Variants in LRRC71 observed in about 807,000 individuals in gnomAD.
The protein encoded by LRRC71 is leucine-rich repeat-containing protein 71.
Under a neutral mutation model 66.6 loss-of-function variants are expected in LRRC71, and 54 were observed. The ratio of observed to expected loss-of-function variants is 0.81; its 90% CI spans 0.65 to 1.02. The LOEUF (loss-of-function observed/expected upper bound fraction) is 1.02, where lower values mean the gene tolerates loss of function less well. LRRC71 is among the 50% of genes least tolerant of loss of function. LRRC71 has a pLI of 0.00. For missense variants in LRRC71, 724 were observed against 718.0 expected (o/e 1.01, Z -0.10); for synonymous variants, 323 against 303.9 (o/e 1.06, Z -0.65).
chr1:156,924,778 T>A, intron 4 of LRRC71, 60 bp downstream of exon 4: 1 of 1,540,154 alleles, frequency 6.5e-7, no homozygotes, highest in Non-Finnish European at 8.8e-7. Flanking sequence ...TCCTGGTGGC[T>A]TGGGAGAGAG....
At chr1:156,932,072 G>A (rs772760463) in intron 13 of LRRC71, 45 bp downstream of exon 13, 40 of 1,490,608 alleles carry the variant, frequency 2.7e-5, no homozygotes, top group South Asian at 1.8e-4. Context: ...GAGGCTACCC[G>A]GGCCCTGTCC....
At chr1:156,940,638 A>G in the LRRC71 span, among the ~76,000 whole-genome samples, 2 of 152,188 alleles carry the variant, frequency 1.3e-5, no homozygotes, top group African/African-American at 4.8e-5. Context: ...CTTACATTCT[A>G]GGGGAGGGAC....
At position 156,924,898 on chromosome 1, in the gene LRRC71, C is replaced by T. The variant is rs375107202; in HGVS notation, c.516-40C>T. On this transcript the variant is annotated intron_variant, in intron 4 of 14. Transcript: ENST00000337428. ...GGGAGGGTTTTCCAGTAGGAGGGGG[C>T]GCTCTAGCTCTGTGTTTCTGCACTT... 179 of 1,547,854 alleles carry T rather than the reference C, an allele frequency of 1.2e-4. 2 individuals carry two copies. In the African/African-American group the frequency reaches 1.8e-3, roughly 16 times the overall value.
At chr1:156,935,039 G>A (rs1654822373), downstream of LRRC71, 1 of 151,630 alleles carries the variant, frequency 6.6e-6, no homozygotes, top group Non-Finnish European at 1.5e-5. Flanking sequence ...AGTTGGGTGA[G>A]GACGTGGTGA....
At chr1:156,939,934 C>T in the LRRC71 span, 3 of 1,597,306 alleles carry the variant, frequency 1.9e-6, no homozygotes, top group Non-Finnish European at 2.5e-6. Context: ...AGGGTGATGT[C>T]TTCCCAGCAT....
Position 156,923,967 on chromosome 1 carries a change from G to A in LRRC71, c.179G>A (p.Gly60Glu). The change falls in exon 2 of 15, where the codon GGG (glycine) becomes GAG (glutamate). Residue 60 changes from glycine to glutamate, a missense_variant. Gly to Glu is a moderately conservative substitution (Grantham distance 98). Transcript: ENST00000337428. ...PKSPEEYQCSGVLETDFAELC... is the reference protein window; with the variant it reads ...PKSPEEYQCSEVLETDFAELC... Reference sequence around the variant, plus strand: ...CCCGCAGAGGAGTACCAGTGCTCCGGGGTCCTCGAGACCGACTTCGCCGAG... The same window carrying A: ...CCCGCAGAGGAGTACCAGTGCTCCGAGGTCCTCGAGACCGACTTCGCCGAG... The A allele has an allele frequency of 6.5e-7, 1 of 1,528,410 alleles. No homozygotes were observed. The highest frequency in any genetic ancestry group is 1.3e-5 in the South Asian group (1 of 79,826). The allele number at this position is 1,528,410 out of a possible 1,614,324, so 94.7% of individuals were successfully genotyped here.
At chr1:156,921,505 A>C (rs1652363383) in intron 1 of LRRC71, 3 of 355,340 alleles carry the variant, frequency 8.4e-6, no homozygotes, top group Non-Finnish European at 1.2e-5. Context: ...CTTCGTCATC[A>C]CGGGGACAAG....
At chr1:156,928,340 CTTCT>C (rs1400588092) in intron 9 of LRRC71, among the ~76,000 whole-genome samples, 12 of 97,654 alleles carry the variant, frequency 1.2e-4, no homozygotes, top group Non-Finnish European at 2.5e-4. Context: ...TTTTTTCTTT[CTTCT>C]TTCTTTCTCT....
intron 13 of LRRC71, 165 bp from the exon 14 acceptor site, chr1:156,932,259 G>A: frequency 3.0e-6 from 2 of 672,742 alleles, no homozygotes; most frequent in East Asian, 2.7e-5. Flanking sequence ...GATGGGGAGT[G>A]TGTGAGTAAG....
chr1:156,937,064 G>A (rs1400894986), downstream of LRRC71: 12 of 1,588,942 alleles, frequency 7.6e-6, no homozygotes, highest in Non-Finnish European at 1.0e-5. Context: ...GGCCCCTGGG[G>A]AAGGGGTCTG....
chr1:156,931,700 G>A (rs183967659), intron 12 of LRRC71, among the ~76,000 whole-genome samples: 5 of 152,154 alleles, frequency 3.3e-5, no homozygotes, highest in Admixed American at 6.5e-5. Flanking sequence ...CTCTGTCAGC[G>A]CTCACTCCAG....
chr1:156,924,963 A>G lies in LRRC71; in HGVS notation c.541A>G (p.Lys181Glu), dbSNP rs1436669014. The G allele has an allele frequency of 1.9e-6, 3 of 1,551,646 alleles. No individual in the cohort carries two copies. The highest frequency in any genetic ancestry group is 2.6e-6 in the Non-Finnish European group (3 of 1,146,974). Residue 181 changes from lysine (K) to glutamate (E), a missense_variant, in exon 5 of 15, where the codon AAG (lysine) becomes GAG (glutamate). Physicochemically the swap from Lys to Glu is moderately conservative, Grantham distance 56 (BLOSUM62 1). Coordinates refer to ENST00000337428, the MANE Select transcript of LRRC71 (RefSeq NM_144702.3). ...INLWKVGLTDKTLTTFIELLP... is the reference protein window; with the variant it reads ...INLWKVGLTDETLTTFIELLP... ...CTTGTGGAAGGTGGGGCTGACCGAT[A>G]AGACCCTGACCACCTTCATCGAGCT...
intron 1 of LRRC71, among the ~76,000 whole-genome samples, chr1:156,921,185 G>A (rs1652306346): frequency 6.6e-6 from 1 of 152,246 alleles, no homozygotes; most frequent in African/African-American, 2.4e-5. Flanking sequence ...AGATATAGAA[G>A]AGAGGAAGGC....
chr1:156,933,057 A>G lies in LRRC71; in HGVS notation c.*88A>G. The G allele has an allele frequency of 1.1e-6, 1 of 885,056 alleles. No individual in the cohort carries two copies. The highest frequency in any genetic ancestry group is 1.7e-6 in the Non-Finnish European group (1 of 571,522). 54.8% of individuals were successfully genotyped at this position (885,056 alleles called of 1,614,324 possible). On this transcript the variant is annotated 3_prime_UTR_variant, in exon 15 of 15. Transcript: ENST00000337428. ...GGGTGACCTCCCTGGGGGAGATCTC[A>G]GACCAATAACAAAGTCTGTTGCTAT... is the stretch of plus-strand genomic sequence containing the variant.
chr1:156,939,050 G>A, the LRRC71 span: 1 of 199,482 alleles, frequency 5.0e-6, no homozygotes. Flanking sequence ...TCCCTCACTC[G>A]CCAAATGTCT....
At position 156,926,207 on chromosome 1, in the gene LRRC71, T is replaced by C. The variant is rs142762762; in HGVS notation, c.594-995T>C. ...GTGACAAATTAACCCCAAGATTCAGTGGCTTAAAAGGACATACATTTATGA... is the reference window on the plus strand; with the variant it reads ...GTGACAAATTAACCCCAAGATTCAGCGGCTTAAAAGGACATACATTTATGA... On this transcript the variant is annotated intron_variant, in intron 5 of 14. Transcript: ENST00000337428. 5.5e-3 allele frequency among the ~76,000 whole-genome samples: 838 copies of C among 152,340 alleles called. 5 individuals carry two copies. The highest frequency in any genetic ancestry group is 0.019 in the African/African-American group (806 of 41,580).
chr1:156,936,315 G>T, downstream of LRRC71: 1 of 645,906 alleles, frequency 1.5e-6, no homozygotes. Flanking sequence ...GGCCCACCCA[G>T]TGTGGTTCTG....
At chr1:156,927,070 T>C in intron 5 of LRRC71, 132 bp from the exon 6 acceptor site, 1 of 737,736 alleles carries the variant, frequency 1.4e-6, no homozygotes. Context: ...CACATATATT[T>C]CCTATATTGG....
At position 156,924,918 on chromosome 1, in the gene LRRC71, G is replaced by C. The variant is rs765085994; in HGVS notation, c.516-20G>C. ...GGGGGCGCTCTAGCTCTGTGTTTCT[G>C]CACTTCCCGCCCACGACAGCTTGTG... On this transcript the variant is annotated intron_variant, in intron 4 of 14. Coordinates refer to ENST00000337428, the MANE Select transcript of LRRC71 (RefSeq NM_144702.3). The C allele has an allele frequency of 9.7e-6, 15 of 1,551,398 alleles. No homozygotes were observed. The South Asian group carries it at 1.7e-4, about 17-fold the overall frequency.
Sources: allele counts gnomAD v4.1 joint callset (sites outside exome capture counted in the v4.1 genomes callset), GRCh38; gene constraint gnomAD v4.1.1; transcripts MANE v1.5; gene names NCBI Gene and HGNC (gene_info 2026-07-23, HGNC 2026-07-21).